DENND5B: variants seen among roughly 807,000 people sequenced by gnomAD.
DENND5B encodes the protein DENN domain-containing protein 5B.
Under a neutral mutation model 140.6 loss-of-function variants are expected in DENND5B, and 34 were observed. The observed-to-expected ratio is 0.24, with a 90% CI of 0.18 to 0.32. DENND5B has a LOEUF of 0.32. Ranked by LOEUF, DENND5B falls within the 10% of genes least tolerant of loss-of-function variation. The pLI is 1.00. For synonymous variants in DENND5B, 551 were observed against 562.1 expected (o/e 0.98, Z 0.28); for missense variants, 1,142 against 1,560.2 (o/e 0.73, Z 4.52).
At chr12:31,465,424 G>A (rs1380045740) in intron 3 of DENND5B, 1 of 152,896 alleles carries the variant, frequency 6.5e-6, no homozygotes, top group African/African-American at 2.4e-5. Context: ...CTGGAGTGCA[G>A]TGGCATGAAC....
chr12:31,511,514 TTAA>T (rs1233752280), intron 1 of DENND5B, among the ~76,000 whole-genome samples: 11 of 149,830 alleles, frequency 7.3e-5, no homozygotes, highest in Non-Finnish European at 1.5e-4. Context: ...CTTGGTTATC[TTAA>T]TAATACGTGA....
intron 1 of DENND5B, among the ~76,000 whole-genome samples, chr12:31,552,652 T>G (rs991840010): frequency 6.6e-6 from 1 of 152,206 alleles, no homozygotes; most frequent in Non-Finnish European, 1.5e-5. Flanking sequence ...CAGCTCCTCC[T>G]TGTACCTACC....
intron 1 of DENND5B, among the ~76,000 whole-genome samples, chr12:31,520,631 C>T (rs1947840382): frequency 1.3e-5 from 2 of 152,078 alleles, no homozygotes; most frequent in African/African-American, 2.4e-5. Flanking sequence ...ACCTCCACCT[C>T]CTGGGTTCAA....
At chr12:31,532,180 A>C (rs982044139) in intron 1 of DENND5B, among the ~76,000 whole-genome samples, 7 of 152,230 alleles carry the variant, frequency 4.6e-5, no homozygotes, top group African/African-American at 1.4e-4. Flanking sequence ...GGTGGCATGG[A>C]GTACTCTGGG....
chr12:31,387,835 A>T (rs746444435), intron 20 of DENND5B, 49 bp from the exon 21 acceptor site: 1 of 1,569,714 alleles, frequency 6.4e-7, no homozygotes, highest in African/African-American at 1.3e-5. Context: ...GCCTCGCTGC[A>T]GAACAAGGCA....
intron 1 of DENND5B, among the ~76,000 whole-genome samples, chr12:31,517,451 T>C (rs1219700096): frequency 6.6e-6 from 1 of 152,226 alleles, no homozygotes; most frequent in Non-Finnish European, 1.5e-5. Context: ...AAAACCATCT[T>C]AGCTGAGGTG....
Position 31,424,771 on chromosome 12 carries a change from T to C in DENND5B, c.2239-84A>G. ...TCAATTACTAAAGTAGGAGACTTGG[T>C]TTCCCTTCATTATACTTCTATTTGC... On this transcript the variant is annotated intron_variant, in intron 9 of 20. Transcript: ENST00000389082. 2.6e-6 allele frequency: 4 copies of C among 1,524,620 alleles called. No individual in the cohort carries two copies. In the South Asian group the frequency reaches 3.9e-5, roughly 15 times the overall value. 94.4% of individuals were successfully genotyped at this position (1,524,620 alleles called of 1,614,324 possible). A position where few individuals can be genotyped will look rare whatever the true frequency, so the allele number is the denominator to read the frequency against.
chr12:31,551,589 A>G (rs1221606545), intron 1 of DENND5B, among the ~76,000 whole-genome samples: 2 of 152,084 alleles, frequency 1.3e-5, no homozygotes, highest in African/African-American at 4.8e-5. Flanking sequence ...AGTTTTTTCC[A>G]ATTCTGTGAA....
chr12:31,550,203 A>G (rs1948998300), intron 1 of DENND5B, among the ~76,000 whole-genome samples: 1 of 124,358 alleles, frequency 8.0e-6, no homozygotes, highest in African/African-American at 3.0e-5. Context: ...TCCTAATGCT[A>G]TCCCTCCCCC....
chr12:31,509,080 T>TCTTC (rs1591950804), intron 1 of DENND5B, among the ~76,000 whole-genome samples: 2 of 152,016 alleles, frequency 1.3e-5, no homozygotes, highest in African/African-American at 4.8e-5. Flanking sequence ...AAAAACAAAG[T>TCTTC]CTTCCTTCCT....
intron 1 of DENND5B, among the ~76,000 whole-genome samples, chr12:31,558,175 G>A (rs1949360773): frequency 6.6e-6 from 1 of 152,198 alleles, no homozygotes; most frequent in African/African-American, 2.4e-5. Context: ...ATGTAGACGT[G>A]TATCAAAGAC....
intron 3 of DENND5B, among the ~76,000 whole-genome samples, chr12:31,475,699 C>T (rs1191376012): frequency 2.0e-5 from 3 of 151,830 alleles, no homozygotes; most frequent in Non-Finnish European, 4.4e-5. Flanking sequence ...CAGTGAGCTA[C>T]GATCATGTCA....
At chr12:31,422,942 C>CTTTT (rs369745344) in intron 11 of DENND5B, among the ~76,000 whole-genome samples, 24 of 139,904 alleles carry the variant, frequency 1.7e-4, no homozygotes, top group African/African-American at 5.2e-4. Flanking sequence ...GTTATAAAAA[C>CTTTT]TTTTTTTTTT....
chr12:31,460,763 T>C (rs1477434627), intron 3 of DENND5B, among the ~76,000 whole-genome samples: 2 of 152,214 alleles, frequency 1.3e-5, no homozygotes, highest in Non-Finnish European at 2.9e-5. Flanking sequence ...TCTCGCTTTG[T>C]TGCCCAAGCT....
chr12:31,427,442 CT>C (rs1943293093), intron 8 of DENND5B, among the ~76,000 whole-genome samples: 1 of 151,912 alleles, frequency 6.6e-6, no homozygotes, highest in African/African-American at 2.4e-5. Flanking sequence ...CCCATCTCTA[CT>C]AAAAATACAA....
At chr12:31,441,211 G>C (rs1233973513) in intron 7 of DENND5B, among the ~76,000 whole-genome samples, 1 of 152,138 alleles carries the variant, frequency 6.6e-6, no homozygotes, top group Non-Finnish European at 1.5e-5. Context: ...AGGTGTGGTG[G>C]CATGTGCCTT....
At chr12:31,575,796 A>T (rs1949993247) in intron 1 of DENND5B, among the ~76,000 whole-genome samples, 2 of 152,176 alleles carry the variant, frequency 1.3e-5, no homozygotes, top group Middle Eastern at 3.4e-3. Context: ...CTACAAAAAA[A>T]TTTAAAAATT....
chr12:31,421,068 G>T (rs867342342), intron 11 of DENND5B, among the ~76,000 whole-genome samples: 25 of 152,184 alleles, frequency 1.6e-4, no homozygotes, highest in African/African-American at 6.0e-4. Context: ...TTTTGACATG[G>T]AGTCTCACTT....
At chr12:31,443,223 G>A (rs1288695089) in intron 6 of DENND5B, among the ~76,000 whole-genome samples, 1 of 152,170 alleles carries the variant, frequency 6.6e-6, no homozygotes, top group African/African-American at 2.4e-5. Flanking sequence ...CCGCAGGCAT[G>A]TACCACCAGT....
Sources: gnomAD v4.1 joint callset for allele counts (sites outside exome capture counted in the v4.1 genomes callset) on GRCh38, gnomAD v4.1.1 for gene constraint, MANE v1.5 for transcripts, NCBI Gene and HGNC (gene_info 2026-07-23, HGNC 2026-07-21) for gene names.